SBNO1: variants seen among roughly 807,000 people sequenced by gnomAD.
SBNO1 encodes protein strawberry notch homolog 1.
SBNO1 carries 23 observed loss-of-function variants against 173.6 expected under a neutral mutation model. The observed-to-expected ratio is 0.13, with a 90% CI of 0.10 to 0.19. The LOEUF (loss-of-function observed/expected upper bound fraction) is 0.19, where lower values mean the gene tolerates loss of function less well. Among genes scored for constraint, SBNO1 ranks in the 10% least tolerant of loss-of-function variants. The pLI is 1.00. For synonymous variants in SBNO1, 632 were observed against 571.5 expected (o/e 1.11, Z -1.51); for missense variants, 1,238 against 1,671.2 (o/e 0.74, Z 4.52).
intron 7 of SBNO1, among the ~76,000 whole-genome samples, chr12:123,333,253 A>G (rs1018088326): frequency 6.6e-6 from 1 of 150,904 alleles, no homozygotes; most frequent in African/African-American, 2.4e-5. Flanking sequence ...CAGATATGGA[A>G]TATGACTGAA....
chr12:123,317,138 T>C, intron 21 of SBNO1, 83 bp downstream of exon 21: 2 of 1,459,778 alleles, frequency 1.4e-6, no homozygotes, highest in Middle Eastern at 1.8e-4. Flanking sequence ...GTGCCCGGCC[T>C]AAACCTAGGT....
chr12:123,310,406 G>T (rs1194752531), intron 25 of SBNO1, among the ~76,000 whole-genome samples: 2 of 151,992 alleles, frequency 1.3e-5, no homozygotes, highest in Non-Finnish European at 1.5e-5. Context: ...GATAATTTTT[G>T]TATTTTTAGT....
chr12:123,289,484 G>C lies in SBNO1; in HGVS notation c.*6424C>G, dbSNP rs2048480124. The stretch of plus-strand genomic sequence containing the variant: ...AGAGAACCAAATGAAAACACACCAA[G>C]AGCTGACATCCACCTTTGTTTCAAG... On this transcript the variant is annotated 3_prime_UTR_variant, in exon 32 of 32. Coordinates refer to ENST00000602398, the MANE Select transcript of SBNO1 (RefSeq NM_001167856.3). 2 of 152,216 alleles carry C rather than the reference G, an allele frequency of 1.3e-5. No homozygotes were observed. The highest frequency in any genetic ancestry group is 2.1e-4 in the South Asian group (1 of 4,836). The allele number at this position is 152,216 out of a possible 1,614,324, so 9.4% of individuals were successfully genotyped here. A position where few individuals can be genotyped will look rare whatever the true frequency, so the allele number is the denominator to read the frequency against.
chr12:123,364,455 G>C, intron 1 of SBNO1: 2 of 985,506 alleles, frequency 2.0e-6, no homozygotes, highest in Non-Finnish European at 2.4e-6. Flanking sequence ...CCCCACGAGC[G>C]GCGACAGCGG....
In SBNO1 at chr12:123,303,416, C is replaced by T. The variant is rs1463680023; in HGVS notation, c.3769-516G>A. 2.6e-5 allele frequency among the ~76,000 whole-genome samples: 4 copies of T among 152,088 alleles called. No individual in the cohort carries two copies. In the South Asian group the frequency reaches 6.2e-4, roughly 24 times the overall value. ...ATCCCAGCACTTTGGGAGGCTGAGG[C>T]GGGTGGATCACTTAAGGCCAGGAGT... On this transcript the variant is annotated intron_variant, in intron 29 of 31. Coordinates refer to ENST00000602398, the MANE Select transcript of SBNO1 (RefSeq NM_001167856.3).
rs1869764832 is a variant in SBNO1 at position 123,320,003 on chromosome 12, C to G, written c.2696G>C (p.Ser899Thr). 3 of 1,614,100 alleles carry G rather than the reference C, an allele frequency of 1.9e-6. No individual in the cohort carries two copies. The highest frequency in any genetic ancestry group is 2.2e-5 in the South Asian group (2 of 91,086). The change falls in exon 20 of 32, where the codon AGC becomes ACC. Residue 899 changes from serine (S) to threonine (T), a missense_variant. By Grantham distance (58) the Ser-to-Thr change is moderately conservative. Coordinates refer to ENST00000602398, the MANE Select transcript of SBNO1 (RefSeq NM_001167856.3). ...EMTGRKGRVVSNDDGSISYES... is the reference protein window; with the variant it reads ...EMTGRKGRVVTNDDGSISYES... ...ATAAGATATGCTTCCATCATCATTG[C>G]TCACAACCCGTCCCTTGCGGCCAGT...
intron 8 of SBNO1, 32 bp downstream of exon 8, chr12:123,331,210 G>A (rs768357037): frequency 1.1e-5 from 18 of 1,606,430 alleles, no homozygotes; most frequent in African/African-American, 6.7e-5. Context: ...GATCCGCTGC[G>A]CCTGGCCCAC....
intron 1 of SBNO1, among the ~76,000 whole-genome samples, chr12:123,363,442 T>C (rs1875635088): frequency 6.6e-6 from 1 of 152,202 alleles, no homozygotes; most frequent in African/African-American, 2.4e-5. Context: ...GCACTCCGGA[T>C]GACAGTTCTC....
At chr12:123,319,597 C>A (rs973405615) in intron 20 of SBNO1, among the ~76,000 whole-genome samples, 1 of 150,964 alleles carries the variant, frequency 6.6e-6, no homozygotes, top group East Asian at 2.0e-4. Context: ...TCAGTAGAGA[C>A]GGGGTTTCAC....
chr12:123,351,059 T>C (rs903049888), intron 1 of SBNO1, among the ~76,000 whole-genome samples: 1 of 151,878 alleles, frequency 6.6e-6, no homozygotes, highest in Non-Finnish European at 1.5e-5. Flanking sequence ...GAGGTGGAGG[T>C]TGCAGTGAGC....
rs751122601 is a variant in SBNO1 at position 123,320,890 on chromosome 12, G to C, written c.2324-24C>G. ...ATCTGAGTGTTAAGGAAAGATACAT[G>C]TCAAATCATTTGTTAAAACAAGTAC... On this transcript the variant is annotated intron_variant, in intron 17 of 31. Coordinates refer to ENST00000602398, the MANE Select transcript of SBNO1 (RefSeq NM_001167856.3). The C allele has an allele frequency of 1.1e-5, 17 of 1,493,400 alleles. No homozygotes were observed. The Admixed American group carries it at 3.8e-4, about 34-fold the overall frequency. The allele number at this position is 1,493,400 out of a possible 1,614,324, so 92.5% of individuals were successfully genotyped here.
At chr12:123,334,267 C>A in intron 6 of SBNO1, 54 bp from the exon 7 acceptor site, 2 of 1,028,532 alleles carry the variant, frequency 1.9e-6, no homozygotes, top group East Asian at 2.8e-5. Flanking sequence ...AATAACATTT[C>A]CAGTTTCATT....
At chr12:123,336,283 C>T (rs1871835293) in intron 6 of SBNO1, 112 bp downstream of exon 6, 2 of 734,212 alleles carry the variant, frequency 2.7e-6, no homozygotes, top group Admixed American at 2.8e-5. Flanking sequence ...TTTTAAAAGA[C>T]TTTGACCTAA....
chr12:123,321,805 T>C, intron 16 of SBNO1, 73 bp from the exon 17 acceptor site: 4 of 1,204,132 alleles, frequency 3.3e-6, no homozygotes, highest in Non-Finnish European at 4.8e-6. Flanking sequence ...CACATTTAGT[T>C]CATGAATTAA....
At chr12:123,341,800 T>C (rs1255824362) in intron 4 of SBNO1, among the ~76,000 whole-genome samples, 3 of 150,710 alleles carry the variant, frequency 2.0e-5, no homozygotes, top group Non-Finnish European at 4.4e-5. Context: ...AGTGCTGGGA[T>C]TACAGGCGTG....
In SBNO1 at chr12:123,327,314, T is replaced by G; in HGVS notation, c.1692+112A>C. 3.3e-6 allele frequency: 3 copies of G among 912,800 alleles called. No homozygotes were observed. In the South Asian group the frequency reaches 5.1e-5, roughly 16 times the overall value. The allele number at this position is 912,800 out of a possible 1,614,324, so 56.5% of individuals were successfully genotyped here. ...ACACCGTGCCTGGCTTCATCTGTTG[T>G]TTTATAGTAGAAATACATTCCCATG... On this transcript the variant is annotated intron_variant, in intron 13 of 31. Transcript: ENST00000602398.
rs754442272 is a variant in SBNO1 at position 123,328,764 on chromosome 12, CAGA to C, written c.1263_1265del (p.Leu422del). The C allele has an allele frequency of 6.3e-7, 1 of 1,596,120 alleles. No homozygotes were observed. The highest frequency in any genetic ancestry group is 8.6e-7 in the Non-Finnish European group (1 of 1,169,068). On this transcript the variant is annotated inframe_deletion, in exon 10 of 32. Transcript: ENST00000602398. ...CATCGAAGTCATCACCGCACCAATG[CAGA>C]AGTTGTTTTAACCTAGTTTTATACT...
intron 30 of SBNO1, among the ~76,000 whole-genome samples, chr12:123,299,823 A>G (rs2048727523): frequency 6.6e-6 from 1 of 152,158 alleles, no homozygotes; most frequent in Non-Finnish European, 1.5e-5. Flanking sequence ...ATTGCACTCA[A>G]GCCCTCTGTT....
intron 1 of SBNO1, among the ~76,000 whole-genome samples, chr12:123,358,738 G>A (rs1406210934): frequency 3.5e-3 from 161 of 45,536 alleles, no homozygotes; most frequent in African/African-American, 0.016. Context: ...GCAAGACTCC[G>A]TCTCAAAAAA....
Sources: gnomAD v4.1 joint callset for allele counts (sites outside exome capture counted in the v4.1 genomes callset) on GRCh38, gnomAD v4.1.1 for gene constraint, MANE v1.5 for transcripts, NCBI Gene and HGNC (gene_info 2026-07-23, HGNC 2026-07-21) for gene names.